Variants in SOX5 observed in about 807,000 individuals in gnomAD.
SOX5 encodes transcription factor SOX-5.
Under a neutral mutation model 92.0 loss-of-function variants are expected in SOX5, and 9 were observed. The ratio of observed to expected loss-of-function variants is 0.10; its 90% CI spans 0.06 to 0.17. SOX5 has a LOEUF of 0.17. Among genes scored for constraint, SOX5 ranks in the 10% least tolerant of loss-of-function variants. The probability of loss-of-function intolerance (pLI) is 1.00; values close to 1 mark genes in which losing one functional copy is unlikely to be tolerated. For missense variants in SOX5, 642 were observed against 944.5 expected (o/e 0.68, Z 4.20); for synonymous variants, 344 against 336.3 (o/e 1.02, Z -0.25).
At chr12:24,217,687 C>G (rs559771862) in intron 3 of SOX5, among the ~76,000 whole-genome samples, 1 of 152,036 alleles carries the variant, frequency 6.6e-6, no homozygotes, top group South Asian at 2.1e-4. Flanking sequence ...AGGACACTAT[C>G]GAGAGAGTGA....
chr12:23,876,218 A>G (rs1595282145), intron 2 of SOX5, among the ~76,000 whole-genome samples: 1 of 152,310 alleles, frequency 6.6e-6, no homozygotes, highest in East Asian at 1.9e-4. Context: ...AATTTTTGCA[A>G]TCTATCCACC....
intron 3 of SOX5, among the ~76,000 whole-genome samples, chr12:24,222,809 C>T (rs75935222): frequency 0.034 from 5,153 of 152,230 alleles, 325 homozygotes; most frequent in African/African-American, 0.12. Flanking sequence ...GCCCAAAGGA[C>T]TGAATCTAAT....
rs371608098 is a variant in SOX5, at chr12:23,875,619, T to C, written c.270+20174A>G. ...AAGAAGGCAGGAAGAAACCTGATAA[T>C]ATAGTATCACATCAAAGTAATGATA... On this transcript the variant is annotated intron_variant, in intron 2 of 14. Coordinates refer to ENST00000451604, the MANE Select transcript of SOX5 (RefSeq NM_006940.6). Among the ~76,000 whole-genome samples, 6 of 152,204 alleles carry C rather than the reference T, an allele frequency of 3.9e-5. No individual in the cohort carries two copies. The East Asian group carries it at 9.7e-4, about 24-fold the overall frequency.
At chr12:24,447,438 ACTGT>A (rs1372147547) in intron 1 of SOX5, among the ~76,000 whole-genome samples, 4 of 152,224 alleles carry the variant, frequency 2.6e-5, no homozygotes, top group African/African-American at 9.6e-5. Flanking sequence ...AATCTGAGAA[ACTGT>A]CACAATCCAG....
At chr12:23,570,785 C>A (rs1371126541) in intron 10 of SOX5, among the ~76,000 whole-genome samples, 1 of 150,332 alleles carries the variant, frequency 6.7e-6, no homozygotes, top group African/African-American at 2.5e-5. Flanking sequence ...GTGGCAGGTG[C>A]CTATAGTCCC....
intron 3 of SOX5, among the ~76,000 whole-genome samples, chr12:24,228,478 T>C (rs1962586743): frequency 6.6e-6 from 1 of 152,176 alleles, no homozygotes; most frequent in Admixed American, 6.5e-5. Context: ...AAGTGAATCA[T>C]TTTACATCTT....
chr12:24,216,986 C>A (rs945779570), intron 3 of SOX5, among the ~76,000 whole-genome samples: 76 of 152,152 alleles, frequency 5.0e-4, no homozygotes, highest in African/African-American at 1.8e-3. Context: ...AGTGAACATA[C>A]TGATGTACCA....
intron 4 of SOX5, among the ~76,000 whole-genome samples, chr12:24,046,992 T>C (rs1475477403): frequency 6.6e-6 from 1 of 152,158 alleles, no homozygotes; most frequent in Non-Finnish European, 1.5e-5. Flanking sequence ...CGGCCCTGAA[T>C]TTTTAAATAT....
At chr12:24,557,190 C>G (rs1195832026) in intron 1 of SOX5, among the ~76,000 whole-genome samples, 1 of 152,042 alleles carries the variant, frequency 6.6e-6, no homozygotes, top group South Asian at 2.1e-4. Context: ...GAGATCGAGA[C>G]CACTCTGACC....
At chr12:24,445,703 G>A (rs12426274) in intron 1 of SOX5, among the ~76,000 whole-genome samples, 4,622 of 152,236 alleles carry the variant, frequency 0.03, 103 homozygotes, top group Admixed American at 0.044. Context: ...ATATTAGTTT[G>A]TAAGAAAAAT....
At chr12:24,212,988 CAT>C (rs1958802896) in intron 4 of SOX5, among the ~76,000 whole-genome samples, 1 of 152,030 alleles carries the variant, frequency 6.6e-6, no homozygotes, top group Admixed American at 6.6e-5. Flanking sequence ...TAACATTCTA[CAT>C]GTTTTAAGAA....
rs1285115571 is a variant in SOX5, at chr12:24,238,561, T to C, written c.-76-25144A>G. 3.3e-5 allele frequency among the ~76,000 whole-genome samples: 5 copies of C among 152,190 alleles called. No individual in the cohort carries two copies. The East Asian group carries it at 9.6e-4, about 29-fold the overall frequency. On this transcript the variant is annotated intron_variant, in intron 3 of 4. Transcript: ENST00000446891. The stretch of plus-strand genomic sequence containing the variant: ...TTTTAGAGATGGGGTTTTGCCATGT[T>C]GCCCAGGTTGGTCTTAAACTCCTGA...
intron 1 of SOX5, among the ~76,000 whole-genome samples, chr12:23,905,673 T>C (rs1251698597): frequency 6.6e-6 from 1 of 152,136 alleles, no homozygotes; most frequent in Non-Finnish European, 1.5e-5. Context: ...TTGTGATAAA[T>C]ACAGCAAAAC....
chr12:24,456,897 A>T (rs1282480415), intron 1 of SOX5, among the ~76,000 whole-genome samples: 1 of 152,346 alleles, frequency 6.6e-6, no homozygotes, highest in South Asian at 2.1e-4. Flanking sequence ...GTGCCAAAAT[A>T]AATCATTTAC....
At chr12:23,744,959 C>T (rs1181736007) in intron 4 of SOX5, among the ~76,000 whole-genome samples, 1 of 152,186 alleles carries the variant, frequency 6.6e-6, no homozygotes, top group Non-Finnish European at 1.5e-5. Flanking sequence ...TCGGTCTGTA[C>T]ATACCCATGT....
intron 9 of SOX5, among the ~76,000 whole-genome samples, chr12:23,601,214 G>A (rs1416862646): frequency 6.6e-6 from 1 of 152,060 alleles, no homozygotes; most frequent in Non-Finnish European, 1.5e-5. Flanking sequence ...GTCTTTTGGA[G>A]CCCCCTCCTT....
At chr12:24,345,931 T>C (rs11829706) in intron 2 of SOX5, among the ~76,000 whole-genome samples, 2,902 of 152,272 alleles carry the variant, frequency 0.019, 101 homozygotes, top group African/African-American at 0.066. Flanking sequence ...CACCTTTCCT[T>C]CTGTTCTATT....
chr12:23,844,840 G>T (rs932130727), intron 3 of SOX5, among the ~76,000 whole-genome samples: 1 of 152,112 alleles, frequency 6.6e-6, no homozygotes, highest in African/African-American at 2.4e-5. Flanking sequence ...ACATAAGGTT[G>T]TCTGGATCCC....
intron 9 of SOX5, among the ~76,000 whole-genome samples, chr12:23,596,976 G>A (rs1952584550): frequency 6.6e-6 from 1 of 152,032 alleles, no homozygotes; most frequent in Non-Finnish European, 1.5e-5. Flanking sequence ...TGCTGTTTTT[G>A]ATTACAATGT....
Sources: gnomAD v4.1 joint callset for allele counts (sites outside exome capture counted in the v4.1 genomes callset) on GRCh38, gnomAD v4.1.1 for gene constraint, MANE v1.5 for transcripts, NCBI Gene and HGNC (gene_info 2026-07-23, HGNC 2026-07-21) for gene names.